PPARGC1A: variants seen among roughly 807,000 people sequenced by gnomAD.
PPARGC1A encodes PPARG coactivator 1 alpha, also known as peroxisome proliferator-activated receptor gamma coactivator 1-alpha.
PPARGC1A carries 25 observed loss-of-function variants against 88.7 expected under a neutral mutation model. The ratio of observed to expected loss-of-function variants is 0.28; its 90% CI spans 0.21 to 0.39. The LOEUF (loss-of-function observed/expected upper bound fraction) is 0.39, where lower values mean the gene tolerates loss of function less well. Ranked by LOEUF, PPARGC1A falls within the 10% of genes least tolerant of loss-of-function variation. The pLI is 1.00. For missense variants in PPARGC1A, 880 were observed against 968.7 expected (o/e 0.91, Z 1.22); for synonymous variants, 363 against 355.6 (o/e 1.02, Z -0.24).
At chr4:24,074,797 C>T in the PPARGC1A span, among the ~76,000 whole-genome samples, 1 of 152,100 alleles carries the variant, frequency 6.6e-6, no homozygotes, top group Middle Eastern at 3.2e-3. Context: ...GCAAGTGTTC[C>T]CTACACCCTA....
chr4:24,215,603 AAAATAAAGACAT>A, the PPARGC1A span, among the ~76,000 whole-genome samples: 1 of 152,182 alleles, frequency 6.6e-6, no homozygotes, highest in Non-Finnish European at 1.5e-5. Context: ...ATTACGGAAG[AAAATAAAGACAT>A]AAATGAAGAC....
At chr4:24,469,617 G>T in the PPARGC1A span, among the ~76,000 whole-genome samples, 1 of 152,058 alleles carries the variant, frequency 6.6e-6, no homozygotes, top group Admixed American at 6.5e-5. Context: ...ATACCAGCCC[G>T]AGAGCCAATC....
At chr4:23,951,717 C>A in the PPARGC1A span, among the ~76,000 whole-genome samples, 1 of 152,126 alleles carries the variant, frequency 6.6e-6, no homozygotes, top group African/African-American at 2.4e-5. Context: ...CTCTCCTAAA[C>A]TCTTCAATTT....
chr4:24,003,787 G>A, the PPARGC1A span, among the ~76,000 whole-genome samples: 1 of 150,366 alleles, frequency 6.7e-6, no homozygotes, highest in East Asian at 2.0e-4. Flanking sequence ...GTGAATGAAG[G>A]GTTTAATGAA....
At chr4:24,346,930 C>T in the PPARGC1A span, among the ~76,000 whole-genome samples, 1 of 152,150 alleles carries the variant, frequency 6.6e-6, no homozygotes, top group Non-Finnish European at 1.5e-5. Context: ...TTCCTCTTAG[C>T]ACCAACTTTG....
chr4:24,409,742 G>C, the PPARGC1A span, among the ~76,000 whole-genome samples: 2 of 152,268 alleles, frequency 1.3e-5, no homozygotes, highest in East Asian at 3.9e-4. Context: ...CATTTTTGGG[G>C]TGTGGGGCAT....
the PPARGC1A span, among the ~76,000 whole-genome samples, chr4:24,002,097 C>CACACACACAGAGAG: frequency 2.4e-5 from 3 of 125,322 alleles, no homozygotes; most frequent in African/African-American, 9.8e-5. Flanking sequence ...CACACACACA[C>CACACACACAGAGAG]AGAGAGAGAG....
At chr4:24,392,223 G>A in the PPARGC1A span, among the ~76,000 whole-genome samples, 107 of 152,226 alleles carry the variant, frequency 7.0e-4, 2 homozygotes, top group East Asian at 0.02. Flanking sequence ...TTTTGTAAAT[G>A]ACTGACAACT....
At chr4:24,263,132 A>G in the PPARGC1A span, among the ~76,000 whole-genome samples, 1 of 152,218 alleles carries the variant, frequency 6.6e-6, no homozygotes, top group Non-Finnish European at 1.5e-5. Flanking sequence ...TCTTTTTCTA[A>G]ATATGTACTG....
chr4:23,913,481 C>T, the PPARGC1A span, among the ~76,000 whole-genome samples: 5 of 151,866 alleles, frequency 3.3e-5, no homozygotes, highest in East Asian at 5.8e-4. Context: ...AATGGAGGCC[C>T]TTCCATAGTA....
intron 2 of PPARGC1A, among the ~76,000 whole-genome samples, chr4:23,871,493 G>A (rs1713353837): frequency 6.6e-6 from 1 of 152,226 alleles, no homozygotes; most frequent in Non-Finnish European, 1.5e-5. Flanking sequence ...GGAATAGGAG[G>A]TGAACCTGCC....
the PPARGC1A span, among the ~76,000 whole-genome samples, chr4:23,958,681 A>G: frequency 4.6e-5 from 7 of 152,136 alleles, no homozygotes; most frequent in African/African-American, 7.2e-5. Context: ...ACACTCAAAT[A>G]TCTAATGTAA....
the PPARGC1A span, among the ~76,000 whole-genome samples, chr4:24,236,025 G>T: frequency 6.6e-6 from 1 of 152,210 alleles, no homozygotes; most frequent in Admixed American, 6.5e-5. Flanking sequence ...ATATCCCAGG[G>T]TTGTGTGTGA....
the PPARGC1A span, among the ~76,000 whole-genome samples, chr4:24,394,290 T>C: frequency 1.3e-5 from 2 of 152,148 alleles, no homozygotes; most frequent in Non-Finnish European, 2.9e-5. Flanking sequence ...TTTTGAGTCA[T>C]TATCCCACAC....
At position 23,793,974 on chromosome 4, in the gene PPARGC1A, A is replaced by T. The variant is rs1040661420; in HGVS notation, c.*1848T>A. On this transcript the variant is annotated 3_prime_UTR_variant, in exon 13 of 13. Coordinates refer to ENST00000264867, the MANE Select transcript of PPARGC1A (RefSeq NM_013261.5). ...ATAAATATGTCTCTTTAGTAAACAAAGGAATGAAATATCAGTATTTATACA... is the reference window on the plus strand; with the variant it reads ...ATAAATATGTCTCTTTAGTAAACAATGGAATGAAATATCAGTATTTATACA... 6.6e-6 allele frequency: 1 copy of T among 152,620 alleles called. No individual in the cohort carries two copies. The highest frequency in any genetic ancestry group is 1.5e-5 in the Non-Finnish European group (1 of 68,022). The allele number at this position is 152,620 out of a possible 1,614,324, so 9.5% of individuals were successfully genotyped here.
At chr4:24,421,854 G>A in the PPARGC1A span, among the ~76,000 whole-genome samples, 1 of 152,024 alleles carries the variant, frequency 6.6e-6, no homozygotes, top group South Asian at 2.1e-4. Flanking sequence ...ATTTTTTGGT[G>A]ATTCCTTATT....
the PPARGC1A span, among the ~76,000 whole-genome samples, chr4:24,304,061 C>T: frequency 6.6e-6 from 1 of 152,218 alleles, no homozygotes; most frequent in Non-Finnish European, 1.5e-5. Context: ...TCTCGAAAGA[C>T]AAGCTTCTGT....
At chr4:24,282,886 G>A in the PPARGC1A span, among the ~76,000 whole-genome samples, 1 of 152,076 alleles carries the variant, frequency 6.6e-6, no homozygotes, top group African/African-American at 2.4e-5. Flanking sequence ...TATTATTCCT[G>A]AAGCGAGAAC....
At chr4:24,253,344 G>A in the PPARGC1A span, among the ~76,000 whole-genome samples, 17 of 152,114 alleles carry the variant, frequency 1.1e-4, no homozygotes, top group African/African-American at 4.1e-4. Flanking sequence ...GAGCACTAGA[G>A]GCAAGGGAAT....
Sources: gnomAD v4.1 joint callset for allele counts (sites outside exome capture counted in the v4.1 genomes callset) on GRCh38, gnomAD v4.1.1 for gene constraint, MANE v1.5 for transcripts, NCBI Gene and HGNC (gene_info 2026-07-23, HGNC 2026-07-21) for gene names.